HADH: variants seen among roughly 807,000 people sequenced by gnomAD.
HADH encodes the protein hydroxyacyl-CoA dehydrogenase, also known as hydroxyacyl-coenzyme A dehydrogenase, mitochondrial.
Under a neutral mutation model 32.2 loss-of-function variants are expected in HADH, and 24 were observed. The observed-to-expected ratio is 0.75, with a 90% CI of 0.54 to 1.05. The LOEUF (loss-of-function observed/expected upper bound fraction) is 1.05. Among genes scored for constraint, HADH ranks in the 50% least tolerant of loss-of-function variants. The pLI is 0.00. For missense variants in HADH, 350 were observed against 397.1 expected, an observed-to-expected ratio of 0.88 and a Z score of 1.01; for synonymous variants, 139 against 152.5, an observed-to-expected ratio of 0.91 and a Z score of 0.65.
intron 4 of HADH, among the ~76,000 whole-genome samples, chr4:108,020,938 T>G (rs1031020175): frequency 6.6e-6 from 1 of 152,218 alleles, no homozygotes; most frequent in African/African-American, 2.4e-5. Flanking sequence ...TTTTAATAAG[T>G]CATAATAATG....
chr4:108,005,277 G>C (rs1208975132), intron 1 of HADH: 2 of 170,426 alleles, frequency 1.2e-5, no homozygotes, highest in Non-Finnish European at 1.3e-5. Context: ...TCACTAACGA[G>C]ATCTGAGATA....
rs1003291250 is a variant in HADH, at chr4:107,989,981, A to G, written c.49A>G (p.Thr17Ala). 3.7e-6 allele frequency: 6 copies of G among 1,612,602 alleles called. No individual in the cohort carries two copies. The highest frequency in any genetic ancestry group is 1.1e-5 in the South Asian group (1 of 90,888). The change falls in exon 1 of 8, where the codon ACC (threonine) becomes GCC (alanine). Residue 17 changes from threonine to alanine, a missense_variant. Thr to Ala is a moderately conservative substitution (Grantham distance 58). Transcript: ENST00000309522. ...QFMRSVSSSS[T>A]ASASAKKIIV... ...CATGCGTTCCGTGTCCTCCTCGTCC[A>G]CCGCCTCGGCCTCGGCCAAGAAGAT...
Position 108,033,255 on chromosome 4 carries a change from T to A in HADH, c.789T>A (p.Asp263Glu). The change falls in exon 7 of 8, where the codon GAT (aspartate) becomes GAA (glutamate). Residue 263 changes from aspartate to glutamate, a missense_variant. Physicochemically the swap from Asp to Glu is conservative, Grantham distance 45 (BLOSUM62 2). Coordinates refer to ENST00000309522, the MANE Select transcript of HADH (RefSeq NM_005327.7). ...CCATGGGCCCATTTGAGCTTCTAGA[T>A]TATGTCGGACTGGATACTACGAAGT... ...GYPMGPFELL[D>E]YVGLDTTKFI... The A allele has an allele frequency of 6.2e-7, 1 of 1,601,098 alleles. No homozygotes were observed. Among genetic ancestry groups the A allele is most frequent in the Non-Finnish European group, 8.6e-7 (1 of 1,168,270 alleles).
At position 108,032,378 on chromosome 4, in the gene HADH, G is replaced by A. The variant is rs756759336; in HGVS notation, c.710-798G>A. On this transcript the variant is annotated intron_variant, in intron 6 of 7. Transcript: ENST00000309522. ...TCGGGTTTGGGCTTTTCTTTAAAAGGTATCTTGACTAAAAGGTTTGTGTGA... is the reference window on the plus strand; with the variant it reads ...TCGGGTTTGGGCTTTTCTTTAAAAGATATCTTGACTAAAAGGTTTGTGTGA... 6 of 1,591,672 alleles carry A rather than the reference G, an allele frequency of 3.8e-6. No individual in the cohort carries two copies. The African/African-American group carries it at 8.0e-5, about 21-fold the overall frequency.
In HADH at chr4:108,022,285, T is replaced by C. The variant is rs562488484; in HGVS notation, c.547-1189T>C. Among the ~76,000 whole-genome samples, 7 of 136,978 alleles carry C rather than the reference T, an allele frequency of 5.1e-5. No individual in the cohort carries two copies. In the South Asian group the frequency reaches 7.5e-4, roughly 15 times the overall value. 89.9% of individuals were successfully genotyped at this position (136,978 alleles called of 152,430 possible). On this transcript the variant is annotated intron_variant, in intron 4 of 7. Transcript: ENST00000309522. Reference sequence around the variant, plus strand: ...TCCTGTTTAAAAATATATATATATATACTTCATCTGGTTCTTTCCATTTAC... The same window carrying C: ...TCCTGTTTAAAAATATATATATATACACTTCATCTGGTTCTTTCCATTTAC...
intron 2 of HADH, 117 bp from the exon 3 acceptor site, chr4:108,014,314 G>A: frequency 9.6e-7 from 1 of 1,044,732 alleles, no homozygotes; most frequent in South Asian, 1.3e-5. Context: ...AACAGATAGG[G>A]TAGGCCAATA....
chr4:108,020,471 A>G (rs148757212), intron 4 of HADH, among the ~76,000 whole-genome samples: 1,569 of 152,236 alleles, frequency 0.01, 10 homozygotes, highest in Non-Finnish European at 0.014. Context: ...TCCTATATCG[A>G]ATAAAAAAAC....
At chr4:108,016,987 G>A (rs1197718065) in intron 3 of HADH, among the ~76,000 whole-genome samples, 1 of 152,182 alleles carries the variant, frequency 6.6e-6, no homozygotes, top group African/African-American at 2.4e-5. Context: ...CAGATATGAG[G>A]TGTGAAAAGA....
At position 108,007,657 on chromosome 4, in the gene HADH, G is replaced by A. The variant is rs1560727263; in HGVS notation, c.133-2102G>A. Among the ~76,000 whole-genome samples, 4 of 152,210 alleles carry A rather than the reference G, an allele frequency of 2.6e-5. No individual in the cohort carries two copies. In the South Asian group the frequency reaches 8.3e-4, roughly 31 times the overall value. On this transcript the variant is annotated intron_variant, in intron 1 of 7. Coordinates refer to ENST00000309522, the MANE Select transcript of HADH (RefSeq NM_005327.7). ...AGGAATAGCCTGCCTAATATCTTGAGTCCATCTCTGTTATGGCCCATTTAG... is the reference window on the plus strand; with the variant it reads ...AGGAATAGCCTGCCTAATATCTTGAATCCATCTCTGTTATGGCCCATTTAG...
intron 1 of HADH, among the ~76,000 whole-genome samples, chr4:107,996,481 T>C (rs1303909121): frequency 6.6e-6 from 1 of 152,108 alleles, no homozygotes; most frequent in African/African-American, 2.4e-5. Context: ...AAAAAAACTA[T>C]GTAACACAAT....
chr4:108,019,775 C>T, intron 4 of HADH, 109 bp downstream of exon 4: 1 of 1,276,984 alleles, frequency 7.8e-7, no homozygotes, highest in East Asian at 2.3e-5. Flanking sequence ...GGGTTTTAAC[C>T]TGAGGGTAGA....
intron 3 of HADH, 124 bp from the exon 4 acceptor site, chr4:108,019,416 C>T (rs955231864): frequency 6.8e-5 from 56 of 828,158 alleles, no homozygotes; most frequent in East Asian, 2.2e-4. Context: ...CTCCCTCATT[C>T]CCCCAATGGG....
intron 1 of HADH, among the ~76,000 whole-genome samples, chr4:108,009,262 T>A (rs1227807387): frequency 6.6e-6 from 1 of 152,206 alleles, no homozygotes. Context: ...GAGAAAAGGA[T>A]GGTGGCTGGG....
chr4:108,002,841 G>T (rs886853820), intron 1 of HADH, among the ~76,000 whole-genome samples: 1 of 152,194 alleles, frequency 6.6e-6, no homozygotes, highest in Non-Finnish European at 1.5e-5. Context: ...TATTACTAGA[G>T]TTTAGGAATT....
intron 1 of HADH, among the ~76,000 whole-genome samples, chr4:108,001,454 T>C (rs1204374513): frequency 1.3e-5 from 2 of 152,152 alleles, no homozygotes; most frequent in East Asian, 1.9e-4. Context: ...ACTGAAGAGT[T>C]TCAAAAATGA....
At chr4:108,007,501 A>G (rs779859869) in intron 1 of HADH, among the ~76,000 whole-genome samples, 2 of 152,212 alleles carry the variant, frequency 1.3e-5, no homozygotes, top group African/African-American at 4.8e-5. Context: ...CAAGTGTACT[A>G]ATAATTCAGA....
rs956311787 is a variant in HADH, at chr4:107,996,914, C to G, written c.132+6850C>G. Among the ~76,000 whole-genome samples the G allele has an allele frequency of 2.8e-4, 42 of 147,370 alleles. 1 individual carries two copies. The South Asian group carries it at 9.0e-3, about 31-fold the overall frequency. ...TTCTCAAAAAAAAAAAAAAAAAGAA[C>G]AAACCAGCTGGTTGTGGTGGTGGTG... On this transcript the variant is annotated intron_variant, in intron 1 of 7. Coordinates refer to ENST00000309522, the MANE Select transcript of HADH (RefSeq NM_005327.7).
intron 2 of HADH, among the ~76,000 whole-genome samples, chr4:108,014,188 T>G (rs924049578): frequency 1.1e-4 from 16 of 152,376 alleles, no homozygotes; most frequent in Middle Eastern, 3.4e-3. Context: ...TTGCCCTTGC[T>G]CTAATAGGAG....
At chr4:108,003,386 TCTC>T (rs1735181068) in intron 1 of HADH, among the ~76,000 whole-genome samples, 2 of 152,116 alleles carry the variant, frequency 1.3e-5, no homozygotes, top group African/African-American at 4.8e-5. Flanking sequence ...CATGGCCTAA[TCTC>T]CTCTTAAAGG....
Sources: allele counts gnomAD v4.1 joint callset (sites outside exome capture counted in the v4.1 genomes callset), GRCh38; gene constraint gnomAD v4.1.1; transcripts MANE v1.5; gene names NCBI Gene and HGNC (gene_info 2026-07-23, HGNC 2026-07-21).